The following DENND1A variants were observed in gnomAD, a reference collection of about 807,000 sequenced individuals.
DENND1A encodes the protein DENN domain-containing protein 1A.
In DENND1A, 51 loss-of-function variants were observed where a neutral mutation model predicts 113.7. The ratio of observed to expected loss-of-function variants is 0.45; its 90% CI spans 0.36 to 0.57. DENND1A has a LOEUF of 0.57. Ranked by LOEUF, DENND1A falls within the 20% of genes least tolerant of loss-of-function variation. The pLI, the probability that DENND1A is intolerant of heterozygous loss-of-function variation, is 0.00. For synonymous variants in DENND1A, 565 were observed against 570.8 expected, an observed-to-expected ratio of 0.99 and a Z score of 0.14; for missense variants, 1,258 against 1,395.9, an observed-to-expected ratio of 0.90 and a Z score of 1.57.
chr9:123,640,802 A>G (rs1366428963), intron 9 of DENND1A, among the ~76,000 whole-genome samples: 1 of 152,232 alleles, frequency 6.6e-6, no homozygotes, highest in Admixed American at 6.5e-5. Context: ...AGGGACTCCA[A>G]GAGGTCAAGT....
At chr9:123,672,596 G>A (rs1413563539) in intron 6 of DENND1A, among the ~76,000 whole-genome samples, 1 of 152,110 alleles carries the variant, frequency 6.6e-6, no homozygotes, top group Non-Finnish European at 1.5e-5. Flanking sequence ...GTATTAAGAG[G>A]CAGGACCTTT....
chr9:123,436,195 A>G (rs1452961008), intron 19 of DENND1A, among the ~76,000 whole-genome samples: 1 of 152,204 alleles, frequency 6.6e-6, no homozygotes, highest in Non-Finnish European at 1.5e-5. Context: ...TCCCAGAGGA[A>G]GAGGAAGAAT....
At chr9:123,858,038 G>A (rs1168073640) in intron 2 of DENND1A, among the ~76,000 whole-genome samples, 2 of 141,264 alleles carry the variant, frequency 1.4e-5, no homozygotes, top group Admixed American at 1.5e-4. Context: ...CAGCCTGGGC[G>A]ACAGAGCGAG....
At chr9:123,789,247 TAAG>T (rs1474528968) in intron 3 of DENND1A, among the ~76,000 whole-genome samples, 1 of 151,854 alleles carries the variant, frequency 6.6e-6, no homozygotes, top group Non-Finnish European at 1.5e-5. Flanking sequence ...ACAGACAACT[TAAG>T]GAGGAAAAAA....
At chr9:123,408,918 C>T (rs958644777) in intron 20 of DENND1A, among the ~76,000 whole-genome samples, 4 of 152,204 alleles carry the variant, frequency 2.6e-5, no homozygotes, top group Non-Finnish European at 5.9e-5. Context: ...CCCTGCCCGC[C>T]TTGGATCCCA....
chr9:123,517,378 G>C (rs1588946671), intron 13 of DENND1A, among the ~76,000 whole-genome samples: 1 of 152,192 alleles, frequency 6.6e-6, no homozygotes, highest in East Asian at 1.9e-4. Context: ...CCCAGCACTC[G>C]GGAGGCCAAG....
At chr9:123,533,939 C>T (rs1166811745) in intron 13 of DENND1A, among the ~76,000 whole-genome samples, 4 of 152,188 alleles carry the variant, frequency 2.6e-5, no homozygotes, top group Non-Finnish European at 5.9e-5. Context: ...AAATGTGTTA[C>T]ACTAGAGGGG....
At chr9:123,580,600 C>T (rs1215844923) in intron 12 of DENND1A, among the ~76,000 whole-genome samples, 1 of 152,220 alleles carries the variant, frequency 6.6e-6, no homozygotes, top group Admixed American at 6.5e-5. Context: ...CCTAACAGAC[C>T]TCAGGTTCAC....
intron 5 of DENND1A, among the ~76,000 whole-genome samples, chr9:123,720,213 T>C (rs1409130484): frequency 2.0e-5 from 3 of 152,150 alleles, no homozygotes; most frequent in African/African-American, 7.2e-5. Flanking sequence ...GGAGGGCCCC[T>C]GAGAGCAGGT....
At chr9:123,679,384 G>T (rs1343142120) in intron 5 of DENND1A, among the ~76,000 whole-genome samples, 2 of 152,080 alleles carry the variant, frequency 1.3e-5, no homozygotes, top group Admixed American at 1.3e-4. Flanking sequence ...TGGCACCCTG[G>T]TTCTCACACT....
chr9:123,913,234 C>T (rs1319461040), intron 1 of DENND1A, among the ~76,000 whole-genome samples: 1 of 151,464 alleles, frequency 6.6e-6, no homozygotes, highest in Admixed American at 6.6e-5. Context: ...TTCAGACATG[C>T]GAGAACCCAC....
chr9:123,813,530 G>A (rs973763135), intron 2 of DENND1A, among the ~76,000 whole-genome samples: 15 of 151,426 alleles, frequency 9.9e-5, no homozygotes, highest in African/African-American at 3.4e-4. Context: ...AAAAAAATTA[G>A]GGAAAAGGTG....
In DENND1A at chr9:123,628,213, G is replaced by A. The variant is rs531970748; in HGVS notation, c.719+2163C>T. On this transcript the variant is annotated intron_variant, in intron 10 of 23. Coordinates refer to ENST00000394215, the MANE Select transcript of DENND1A (RefSeq NM_001352964.2). ...GTGGGAATAAGGGGAGGCCAGTAGT[G>A]TGGATTCTGAAGCCACTGAAGACAG... 9.2e-5 allele frequency among the ~76,000 whole-genome samples: 14 copies of A among 152,098 alleles called. 1 individual carries two copies. Among genetic ancestry groups the A allele is most frequent in the South Asian group, 4.2e-4 (2 of 4,806 alleles).
intron 5 of DENND1A, among the ~76,000 whole-genome samples, chr9:123,699,918 A>C (rs1251005191): frequency 6.6e-6 from 1 of 152,000 alleles, no homozygotes; most frequent in Non-Finnish European, 1.5e-5. Context: ...GGCTGGTCTC[A>C]AACTCCCAAC....
chr9:123,463,049 C>T (rs2048660313), intron 13 of DENND1A, among the ~76,000 whole-genome samples: 1 of 152,152 alleles, frequency 6.6e-6, no homozygotes, highest in Non-Finnish European at 1.5e-5. Context: ...CATTATTCTC[C>T]CCTGAAGTGC....
At chr9:123,731,593 G>C (rs2068176433) in intron 5 of DENND1A, among the ~76,000 whole-genome samples, 1 of 152,054 alleles carries the variant, frequency 6.6e-6, no homozygotes, top group Admixed American at 6.6e-5. Context: ...CAGACCTACA[G>C]GTAAAACATA....
Position 123,587,877 on chromosome 9 carries a change from C to A in DENND1A, c.766-4607G>T, listed in dbSNP as rs963312209. ...ACTTTCTTCTGAAGATACCCCTAAT[C>A]CGATCGCTCAGACATCAGAATGAGT... On this transcript the variant is annotated intron_variant, in intron 11 of 23. Coordinates refer to ENST00000394215, the MANE Select transcript of DENND1A (RefSeq NM_001352964.2). Among the ~76,000 whole-genome samples the A allele has an allele frequency of 3.3e-5, 5 of 152,220 alleles. No homozygotes were observed. The East Asian group carries it at 9.6e-4, about 29-fold the overall frequency.
At chr9:123,596,796 A>G (rs1454591742) in intron 11 of DENND1A, among the ~76,000 whole-genome samples, 2 of 152,220 alleles carry the variant, frequency 1.3e-5, no homozygotes, top group African/African-American at 4.8e-5. Context: ...GCTTCATGCA[A>G]TGAAATAACT....
At chr9:123,520,717 A>T (rs2054324392) in intron 13 of DENND1A, among the ~76,000 whole-genome samples, 1 of 152,218 alleles carries the variant, frequency 6.6e-6, no homozygotes. Context: ...TGACCTTCCA[A>T]TGCTCGATAA....
Sources: allele counts gnomAD v4.1 joint callset (sites outside exome capture counted in the v4.1 genomes callset), GRCh38; gene constraint gnomAD v4.1.1; transcripts MANE v1.5; gene names NCBI Gene and HGNC (gene_info 2026-07-23, HGNC 2026-07-21).